Variants in ULK4 observed in about 807,000 individuals in gnomAD.
The protein encoded by ULK4 is unc-51 like kinase 4, also known as inactive serine/threonine-protein kinase ULK4.
ULK4 carries 133 observed loss-of-function variants against 160.6 expected under a neutral mutation model. That is an observed-to-expected ratio of 0.83 (90% CI 0.72 to 0.96). The LOEUF is 0.96. Among genes scored for constraint, ULK4 ranks in the 40% least tolerant of loss-of-function variants. The pLI, the probability that ULK4 is intolerant of heterozygous loss-of-function variation, is 0.00. For synonymous variants in ULK4, 534 were observed against 539.8 expected (o/e 0.99, Z 0.15); for missense variants, 1,580 against 1,499.5 (o/e 1.05, Z -0.89).
chr3:41,439,971 G>A (rs1236727163), intron 34 of ULK4, among the ~76,000 whole-genome samples: 1 of 152,016 alleles, frequency 6.6e-6, no homozygotes, highest in African/African-American at 2.4e-5. Context: ...TTATGCTATT[G>A]CAAAACGCAT....
At chr3:41,817,067 T>G (rs1411471418) in intron 19 of ULK4, among the ~76,000 whole-genome samples, 1 of 101,952 alleles carries the variant, frequency 9.8e-6, no homozygotes, top group African/African-American at 7.7e-5. Context: ...GTGGGGAAAC[T>G]GTGTGTGTGT....
intron 35 of ULK4, among the ~76,000 whole-genome samples, chr3:41,279,400 A>T (rs1483185124): frequency 2.0e-5 from 3 of 152,226 alleles, no homozygotes; most frequent in Non-Finnish European, 4.4e-5. Flanking sequence ...GATATTATCC[A>T]GTAGAACTTC....
chr3:41,801,061 G>A (rs1273106893), intron 19 of ULK4, among the ~76,000 whole-genome samples: 1 of 152,104 alleles, frequency 6.6e-6, no homozygotes, highest in Admixed American at 6.6e-5. Flanking sequence ...AGACTTAGTA[G>A]AAAGATATTA....
chr3:41,665,793 G>A (rs903514607), intron 29 of ULK4, among the ~76,000 whole-genome samples: 4 of 152,154 alleles, frequency 2.6e-5, no homozygotes, highest in Admixed American at 1.3e-4. Context: ...ACTGGAGAGA[G>A]ATCATTAGTT....
chr3:41,739,873 C>A (rs2038185549), intron 22 of ULK4, among the ~76,000 whole-genome samples: 1 of 151,912 alleles, frequency 6.6e-6, no homozygotes, highest in Admixed American at 6.6e-5. Context: ...TCACTGATTA[C>A]TAATGATGCT....
At chr3:41,861,238 G>A (rs746022968) in intron 17 of ULK4, among the ~76,000 whole-genome samples, 9 of 152,280 alleles carry the variant, frequency 5.9e-5, no homozygotes, top group Non-Finnish European at 1.2e-4. Context: ...AAAATTACCA[G>A]TGAGTTTTCT....
At chr3:41,606,012 A>T (rs1285682209) in intron 31 of ULK4, among the ~76,000 whole-genome samples, 1 of 152,092 alleles carries the variant, frequency 6.6e-6, no homozygotes, top group Non-Finnish European at 1.5e-5. Flanking sequence ...CCAAAGATAA[A>T]ATCACAAGGA....
At chr3:41,932,795 G>A (rs1699642367) in intron 4 of ULK4, among the ~76,000 whole-genome samples, 1 of 152,162 alleles carries the variant, frequency 6.6e-6, no homozygotes, top group African/African-American at 2.4e-5. Context: ...TGTAATCCCA[G>A]CACTTTGGAA....
chr3:41,530,582 T>C (rs1345493617), intron 32 of ULK4, among the ~76,000 whole-genome samples: 4 of 152,170 alleles, frequency 2.6e-5, no homozygotes, highest in Non-Finnish European at 5.9e-5. Flanking sequence ...GTTAATGTAA[T>C]GTCACAGCCC....
intron 32 of ULK4, among the ~76,000 whole-genome samples, chr3:41,534,731 G>A (rs992981517): frequency 6.6e-6 from 1 of 151,970 alleles, no homozygotes. Context: ...ATACTACTAA[G>A]AAAGAAAACA....
At chr3:41,414,156 G>A (rs1490264215) in intron 34 of ULK4, among the ~76,000 whole-genome samples, 2 of 152,318 alleles carry the variant, frequency 1.3e-5, no homozygotes, top group Non-Finnish European at 2.9e-5. Context: ...AGCAGAGATC[G>A]TGCCATTGCA....
chr3:41,574,009 C>G (rs2088093189), intron 31 of ULK4, among the ~76,000 whole-genome samples: 1 of 152,176 alleles, frequency 6.6e-6, no homozygotes, highest in Non-Finnish European at 1.5e-5. Context: ...ATGGTGAAAT[C>G]CCATCTCTAC....
chr3:41,705,288 TAC>T lies in ULK4; in HGVS notation c.2650_2651del (p.Val884ArgfsTer28). The part of the protein sequence containing the change: ...YGTILSHIKS[V>X]DSGETNIDGA... ...CATCTATGTTCGTTTCTCCTGAGTCTACAGATTTAATATGACTCTGAAAAAAA... is the reference window on the plus strand; with the variant it reads ...CATCTATGTTCGTTTCTCCTGAGTCTAGATTTAATATGACTCTGAAAAAAA... On this transcript the variant is annotated frameshift_variant, in exon 26 of 37. Transcript: ENST00000301831. LOFTEE classifies it high-confidence loss of function. The T allele has an allele frequency of 6.2e-7, 1 of 1,612,534 alleles. No homozygotes were observed. The highest frequency in any genetic ancestry group is 1.7e-5 in the Admixed American group (1 of 59,906).
At chr3:41,690,146 ATGG>A (rs1310096626) in intron 27 of ULK4, among the ~76,000 whole-genome samples, 1 of 147,914 alleles carries the variant, frequency 6.8e-6, no homozygotes, top group East Asian at 2.0e-4. Flanking sequence ...TTGTAGGGAC[ATGG>A]ATGAAATTGG....
intron 32 of ULK4, among the ~76,000 whole-genome samples, chr3:41,506,061 G>A (rs2085361838): frequency 6.6e-6 from 1 of 151,638 alleles, no homozygotes; most frequent in Non-Finnish European, 1.5e-5. Flanking sequence ...TTTTAATTGT[G>A]TATATAGCAA....
chr3:41,509,290 A>T (rs1051457117), intron 32 of ULK4, among the ~76,000 whole-genome samples: 3 of 152,154 alleles, frequency 2.0e-5, no homozygotes, highest in African/African-American at 7.2e-5. Flanking sequence ...AAGAATTTTT[A>T]AAAAATGAAC....
At chr3:41,674,656 A>G (rs542356781) in intron 29 of ULK4, among the ~76,000 whole-genome samples, 7 of 152,218 alleles carry the variant, frequency 4.6e-5, no homozygotes, top group Non-Finnish European at 8.8e-5. Context: ...ACCACAAGAT[A>G]AAGACTACCA....
chr3:41,386,102 T>C (rs2081802545), intron 35 of ULK4, among the ~76,000 whole-genome samples: 3 of 152,208 alleles, frequency 2.0e-5, no homozygotes, highest in Admixed American at 1.3e-4. Context: ...ATGTATTATA[T>C]CTTCAGCACT....
chr3:41,872,701 T>C (rs1036096950), intron 17 of ULK4, among the ~76,000 whole-genome samples: 10 of 152,056 alleles, frequency 6.6e-5, no homozygotes, highest in Non-Finnish European at 1.3e-4. Context: ...TCGACAATTA[T>C]CAGAACCACG....
Sources: gnomAD v4.1 joint callset for allele counts (sites outside exome capture counted in the v4.1 genomes callset) on GRCh38, gnomAD v4.1.1 for gene constraint, MANE v1.5 for transcripts, NCBI Gene and HGNC (gene_info 2026-07-23, HGNC 2026-07-21) for gene names.